Variants in CSHL1 observed in about 807,000 individuals in gnomAD.
CSHL1 encodes chorionic somatomammotropin hormone like 1.
In CSHL1, 25 loss-of-function variants were observed where a neutral mutation model predicts 24.3. That is an observed-to-expected ratio of 1.03 (90% CI 0.75 to 1.44). The LOEUF is 1.44. CSHL1 is among the 40% of genes most tolerant of loss of function. The pLI, the probability that CSHL1 is intolerant of heterozygous loss-of-function variation, is 0.00. For synonymous variants in CSHL1, 157 were observed against 115.6 expected (o/e 1.36, Z -2.30); for missense variants, 342 against 279.3 (o/e 1.22, Z -1.60).
In CSHL1 at chr17:63,910,528, A is replaced by T. The variant is rs758977611; in HGVS notation, c.198T>A (p.Tyr66Ter). 2.5e-6 allele frequency: 4 copies of T among 1,614,128 alleles called. No individual in the cohort carries two copies. Among genetic ancestry groups the T allele is most frequent in the Non-Finnish European group, 3.4e-6 (4 of 1,180,020 alleles). Residue 66 changes from tyrosine (Y) to a stop codon, truncating the protein, a stop_gained, in exon 3 of 5, where the codon TAT becomes TAA. Transcript: ENST00000309894. LOFTEE classifies it high-confidence loss of function. ...EFISSWGMEA[Y>*]ITKEQKYSFL... ...ATGAATACTTCTGTTCCTTTGTGAT[A>T]TAGGCTTCTTCCTAGGGGAAGGACC... is the stretch of plus-strand genomic sequence containing the variant.
At position 63,909,613 on chromosome 17, in the gene CSHL1, A is replaced by G. The variant is rs1022301606; in HGVS notation, c.*98T>C. 1.9e-6 allele frequency: 3 copies of G among 1,590,452 alleles called. No homozygotes were observed. The highest frequency in any genetic ancestry group is 3.5e-5 in the Admixed American group (2 of 57,794). On this transcript the variant is annotated 3_prime_UTR_variant, in exon 5 of 5. Transcript: ENST00000309894. Reference sequence around the variant, plus strand: ...GACACCTAGTCAGATGAAACAATACAACTTAATTTTATTAAGACAAGGCTG... The same window carrying G: ...GACACCTAGTCAGATGAAACAATACGACTTAATTTTATTAAGACAAGGCTG...
rs777734476 is a variant in CSHL1, at chr17:63,911,202, C to T, written c.-6G>A. ...GGGCGCTTACCTGCAGCCATTGCCG[C>T]TAGGTGAGCTGTCCACAGGACCCTG... On this transcript the variant is annotated 5_prime_UTR_variant, in exon 1 of 5. Coordinates refer to ENST00000309894, the MANE Select transcript of CSHL1 (RefSeq NM_022579.3). 1.2e-6 allele frequency: 2 copies of T among 1,613,992 alleles called. No individual in the cohort carries two copies. Among genetic ancestry groups the T allele is most frequent in the Admixed American group, 3.3e-5 (2 of 60,022 alleles).
At chr17:63,910,655 C>A in intron 2 of CSHL1, 90 bp downstream of exon 2, 1 of 1,614,152 alleles carries the variant, frequency 6.2e-7, no homozygotes. Flanking sequence ...TGCATTTTCG[C>A]TTCAGAAAAC....
chr17:63,910,461 T>C lies in CSHL1; in HGVS notation c.265A>G (p.Ile89Val), dbSNP rs1906860230. The C allele has an allele frequency of 6.8e-6, 11 of 1,614,142 alleles. No individual in the cohort carries two copies. Among genetic ancestry groups the C allele is most frequent in the Non-Finnish European group, 9.3e-6 (11 of 1,180,004 alleles). ...SQTSFCFSDS[I>V]PTSSNMEETQ... ...TCCTCCATGTTGGAGGATGTCGGAA[T>C]AGAGTCTGAGAAGCAGAAGGAGGTC... is the stretch of plus-strand genomic sequence containing the variant. Residue 89 changes from isoleucine (I) to valine (V), a missense_variant, in exon 3 of 5, where the codon ATT (isoleucine) becomes GTT (valine). By Grantham distance (29) the Ile-to-Val change is conservative. Coordinates refer to ENST00000309894, the MANE Select transcript of CSHL1 (RefSeq NM_022579.3).
At chr17:63,911,063 C>A (rs1460476986) in intron 1 of CSHL1, 124 bp downstream of exon 1, 13 of 1,610,926 alleles carry the variant, frequency 8.1e-6, no homozygotes, top group Middle Eastern at 2.2e-4. Flanking sequence ...AAATATCTGG[C>A]CTTAGATGGC....
Position 63,910,543 on chromosome 17 carries a change from G to C in CSHL1, c.191-8C>G. ...CCTTTGTGATATAGGCTTCTTCCTA[G>C]GGGAAGGACCCCCCACCAAGAAGGA... On this transcript the variant is annotated splice_polypyrimidine_tract_variant and splice_region_variant and intron_variant, in intron 2 of 4. Transcript: ENST00000309894. 2 of 1,614,158 alleles carry C rather than the reference G, an allele frequency of 1.2e-6. No individual in the cohort carries two copies. The highest frequency in any genetic ancestry group is 8.5e-7 in the Non-Finnish European group (1 of 1,180,016).
rs1906986611 is a variant in CSHL1 at position 63,911,133 on chromosome 17, G to A, written c.10+54C>T. 18 of 1,612,392 alleles carry A rather than the reference G, an allele frequency of 1.1e-5. 1 individual carries two copies. The highest frequency in any genetic ancestry group is 2.0e-4 in the Middle Eastern group (1 of 5,086). ...AGTGCCCCCGTCCCATCTGCAGGGC[G>A]CCGCCTCTCCCCTCAGGACACGTTG... On this transcript the variant is annotated intron_variant, in intron 1 of 4. Coordinates refer to ENST00000309894, the MANE Select transcript of CSHL1 (RefSeq NM_022579.3).
At chr17:63,910,351 C>A (rs368686206) in intron 3 of CSHL1, 25 bp from the exon 4 acceptor site, 3 of 1,614,042 alleles carry the variant, frequency 1.9e-6, no homozygotes, top group Non-Finnish European at 2.5e-6. Flanking sequence ...CCGGCAGTGG[C>A]TGTGCTGCCC....
At chr17:63,910,360 C>A (rs761898428) in intron 3 of CSHL1, 34 bp from the exon 4 acceptor site, 7 of 1,613,976 alleles carry the variant, frequency 4.3e-6, no homozygotes, top group Non-Finnish European at 5.9e-6. Flanking sequence ...GCTGTGCTGC[C>A]CGGGGGCTCT....
rs749982369 is a variant in CSHL1 at position 63,910,464 on chromosome 17, A to G, written c.262T>C (p.Ser88Pro). The G allele has an allele frequency of 1.9e-6, 3 of 1,614,108 alleles. No individual in the cohort carries two copies. The highest frequency in any genetic ancestry group is 2.5e-6 in the Non-Finnish European group (3 of 1,180,010). ...DSQTSFCFSD[S>P]IPTSSNMEET... ...TCCATGTTGGAGGATGTCGGAATAG[A>G]GTCTGAGAAGCAGAAGGAGGTCTGG... is the stretch of plus-strand genomic sequence containing the variant. The change falls in exon 3 of 5, where the codon TCT becomes CCT. Residue 88 changes from serine (S) to proline (P), a missense_variant. Transcript: ENST00000309894.
In CSHL1 at chr17:63,909,822, T is replaced by C. The variant is rs779590398; in HGVS notation, c.558A>G (p.Ala186=). The change falls in exon 5 of 5, where the codon GCA becomes GCG. Residue 186 remains alanine, a synonymous_variant. Coordinates refer to ENST00000309894, the MANE Select transcript of CSHL1 (RefSeq NM_022579.3). ...KFDTNSHNHD[A]LLKNYGLLHC... is the part of the protein sequence containing the mutation. Reference sequence around the variant, plus strand: ...GGAGCAGCCCGTAGTTCTTGAGCAGTGCGTCATGGTTGTGCGAGTTTGTGT... The same window carrying C: ...GGAGCAGCCCGTAGTTCTTGAGCAGCGCGTCATGGTTGTGCGAGTTTGTGT... 6.2e-7 allele frequency: 1 copy of C among 1,613,968 alleles called. No individual in the cohort carries two copies. Among genetic ancestry groups the C allele is most frequent in the Non-Finnish European group, 8.5e-7 (1 of 1,179,894 alleles).
rs145995398 is a variant in CSHL1 at position 63,910,284 on chromosome 17, G to T, written c.349C>A (p.Arg117=). The T allele has an allele frequency of 1.9e-6, 3 of 1,614,002 alleles. No homozygotes were observed. Among genetic ancestry groups the T allele is most frequent in the African/African-American group, 2.7e-5 (2 of 74,914 alleles). Residue 117 remains arginine (R), a synonymous_variant, in exon 4 of 5, where the codon CGG becomes AGG. Transcript: ENST00000309894. ...LHISLLLIES[R]LEPVRFLRST... is the part of the protein sequence containing the mutation. ...CTGAGGAACCGCACGGGCTCCAGCC[G>T]CGACTCGATGAGCAGCAGGGAGATG...
At chr17:63,910,690 C>G in intron 2 of CSHL1, 55 bp downstream of exon 2, 2 of 1,614,226 alleles carry the variant, frequency 1.2e-6, no homozygotes. Flanking sequence ...TAGTCTCCTC[C>G]CATTACTTCC....
chr17:63,909,949 G>A (rs750456746), intron 4 of CSHL1, 41 bp from the exon 5 acceptor site: 2 of 1,613,962 alleles, frequency 1.2e-6, no homozygotes, highest in South Asian at 2.2e-5. Flanking sequence ...AAGCGCTTGG[G>A]CACTGTTCCC....
rs529822058 is a variant in CSHL1 at position 63,911,244 on chromosome 17, G to C, written c.-48C>G. On this transcript the variant is annotated 5_prime_UTR_variant, in exon 1 of 5. Coordinates refer to ENST00000309894, the MANE Select transcript of CSHL1 (RefSeq NM_022579.3). ...AGGACCCTGAGTGGTGCGGGGAGTCGGGCCTTGGGATGCTGGAGCTGGTCT... is the reference window on the plus strand; with the variant it reads ...AGGACCCTGAGTGGTGCGGGGAGTCCGGCCTTGGGATGCTGGAGCTGGTCT... 121 of 1,613,906 alleles carry C rather than the reference G, an allele frequency of 7.5e-5. 3 individuals are homozygous for C. The South Asian group carries it at 8.6e-4, about 11-fold the overall frequency.
chr17:63,910,609 C>A, intron 2 of CSHL1, 74 bp from the exon 3 acceptor site: 2 of 1,614,148 alleles, frequency 1.2e-6, no homozygotes, highest in South Asian at 2.2e-5. Flanking sequence ...CACTGTTACT[C>A]TTCTGGGAAC....
In CSHL1 at chr17:63,909,852, C is replaced by A. The variant is rs774503320; in HGVS notation, c.528G>T (p.Lys176Asn). 8 of 1,614,014 alleles carry A rather than the reference C, an allele frequency of 5.0e-6. No individual in the cohort carries two copies. The South Asian group carries it at 7.7e-5, about 16-fold the overall frequency. The change falls in exon 5 of 5, where the codon AAG becomes AAT. Residue 176 changes from lysine (K) to asparagine (N), a missense_variant. Physicochemically the swap from Lys to Asn is moderately conservative, Grantham distance 94. Transcript: ENST00000309894. ...TGQTLKQTYSKFDTNSHNHDA... is the reference protein window; with the variant it reads ...TGQTLKQTYSNFDTNSHNHDA... The stretch of plus-strand genomic sequence containing the variant: ...CATGGTTGTGCGAGTTTGTGTCAAA[C>A]TTGCTGTAGGTCTGCTTGAGGGTCT...
At position 63,910,408 on chromosome 17, in the gene CSHL1, G is replaced by C; in HGVS notation, c.306+12C>G. The C allele has an allele frequency of 6.2e-7, 1 of 1,614,218 alleles. No homozygotes were observed. The highest frequency in any genetic ancestry group is 1.1e-5 in the South Asian group (1 of 91,076). On this transcript the variant is annotated intron_variant, in intron 3 of 4. Transcript: ENST00000309894. ...CCCCCATCCCCGCCTAGGGGAGACA[G>C]CATCCACTCACGGATTTCTGCTGCG...
chr17:63,910,098 T>C, intron 4 of CSHL1, 64 bp downstream of exon 4: 2 of 1,614,128 alleles, frequency 1.2e-6, no homozygotes, highest in Non-Finnish European at 1.7e-6. Context: ...CAGCAGTGTT[T>C]CTCTCCCCCA....
Sources: allele counts gnomAD v4.1 joint callset, GRCh38; gene constraint gnomAD v4.1.1; transcripts MANE v1.5; gene names NCBI Gene and HGNC (gene_info 2026-07-23, HGNC 2026-07-21).